Variants in CUL5 observed in about 807,000 individuals in gnomAD.
CUL5 encodes the protein cullin 5, also known as cullin-5.
CUL5 carries 26 observed loss-of-function variants against 108.8 expected under a neutral mutation model. The observed-to-expected ratio is 0.24, with a 90% CI of 0.18 to 0.33. The LOEUF (loss-of-function observed/expected upper bound fraction) is 0.33. Among genes scored for constraint, CUL5 ranks in the 10% least tolerant of loss-of-function variants. The pLI, the probability that CUL5 is intolerant of heterozygous loss-of-function variation, is 1.00. For synonymous variants in CUL5, 334 were observed against 298.0 expected (o/e 1.12, Z -1.25); for missense variants, 524 against 909.2 (o/e 0.58, Z 5.45).
chr11:108,088,780 T>C, intron 12 of CUL5, 121 bp downstream of exon 12: 1 of 764,370 alleles, frequency 1.3e-6, no homozygotes, highest in South Asian at 3.1e-5. Context: ...GAACTAATGT[T>C]ACGAAGATTT....
In CUL5 at chr11:108,107,512, C is replaced by T. The variant is rs1203812806; in HGVS notation, c.*3128C>T. On this transcript the variant is annotated 3_prime_UTR_variant, in exon 19 of 19. Transcript: ENST00000393094. Reference sequence around the variant, plus strand: ...CATTACATGAGAGCTTTCCTGTCATCTACACTATATGTTGTCTGGAGTGTT... The same window carrying T: ...CATTACATGAGAGCTTTCCTGTCATTTACACTATATGTTGTCTGGAGTGTT... 1 of 152,604 alleles carries T rather than the reference C, an allele frequency of 6.6e-6. No homozygotes were observed. The highest frequency in any genetic ancestry group is 2.4e-5 in the African/African-American group (1 of 41,434). The allele number at this position is 152,604 out of a possible 1,614,324, so 9.5% of individuals were successfully genotyped here.
intron 4 of CUL5, among the ~76,000 whole-genome samples, chr11:108,050,689 AT>A (rs1247421918): frequency 2.6e-5 from 4 of 152,140 alleles, no homozygotes; most frequent in African/African-American, 9.7e-5. Context: ...TAGAAATTAA[AT>A]TACTTTTCTC....
At chr11:108,022,350 T>G (rs112868190) in intron 1 of CUL5, among the ~76,000 whole-genome samples, 8 of 152,308 alleles carry the variant, frequency 5.3e-5, no homozygotes, top group African/African-American at 1.9e-4. Context: ...TCTATTTTTG[T>G]TTACATTCTT....
intron 1 of CUL5, among the ~76,000 whole-genome samples, chr11:108,021,285 T>G (rs1862321175): frequency 6.6e-6 from 1 of 152,172 alleles, no homozygotes; most frequent in South Asian, 2.1e-4. Flanking sequence ...CTAAACTGGT[T>G]GTGTGGTGTT....
intron 11 of CUL5, among the ~76,000 whole-genome samples, chr11:108,082,541 T>A (rs941458163): frequency 2.6e-5 from 4 of 152,118 alleles, no homozygotes; most frequent in Admixed American, 6.5e-5. Flanking sequence ...CCCCTCAAAG[T>A]GCTAGGATTA....
chr11:108,015,091 G>T (rs1862148475), intron 1 of CUL5, among the ~76,000 whole-genome samples: 2 of 151,984 alleles, frequency 1.3e-5, no homozygotes, highest in Non-Finnish European at 1.5e-5. Context: ...TAGAGATGGG[G>T]TTTCACCATG....
At chr11:108,066,784 A>G (rs373613847) in intron 7 of CUL5, among the ~76,000 whole-genome samples, 1 of 152,214 alleles carries the variant, frequency 6.6e-6, no homozygotes, top group Non-Finnish European at 1.5e-5. Flanking sequence ...CCTTAAGTTT[A>G]TAGTATAGTA....
intron 7 of CUL5, among the ~76,000 whole-genome samples, chr11:108,060,577 T>C (rs1418873410): frequency 3.3e-5 from 5 of 152,188 alleles, no homozygotes; most frequent in African/African-American, 1.2e-4. Flanking sequence ...GGCCCACGCC[T>C]CTAATCCCAG....
At chr11:108,034,148 A>G (rs1862666028) in intron 2 of CUL5, among the ~76,000 whole-genome samples, 1 of 152,220 alleles carries the variant, frequency 6.6e-6, no homozygotes, top group Non-Finnish European at 1.5e-5. Flanking sequence ...GATCCAAAGC[A>G]AAATCAGCAA....
At chr11:108,088,261 G>A (rs2135223319) in intron 11 of CUL5, among the ~76,000 whole-genome samples, 1 of 152,224 alleles carries the variant, frequency 6.6e-6, no homozygotes, top group East Asian at 1.9e-4. Context: ...GTCAGCACTA[G>A]GGTGAGGCAA....
At position 108,105,818 on chromosome 11, in the gene CUL5, G is replaced by A. The variant is rs1864785615; in HGVS notation, c.*1434G>A. ...TGTTAAGTAATATTTTTAAAGTATG[G>A]TTTTTGAAGATAGTAGGAAATGGAG... On this transcript the variant is annotated 3_prime_UTR_variant, in exon 19 of 19. Transcript: ENST00000393094. 6.6e-6 allele frequency: 1 copy of A among 152,096 alleles called. No individual in the cohort carries two copies. Among genetic ancestry groups the A allele is most frequent in the African/African-American group, 2.4e-5 (1 of 41,430 alleles). The allele number at this position is 152,096 out of a possible 1,614,324, so 9.4% of individuals were successfully genotyped here.
intron 1 of CUL5, among the ~76,000 whole-genome samples, chr11:108,021,174 C>T (rs1007612604): frequency 6.6e-5 from 10 of 152,124 alleles, no homozygotes; most frequent in Non-Finnish European, 1.3e-4. Context: ...TTTCACACAA[C>T]GATGAAATTG....
intron 18 of CUL5, among the ~76,000 whole-genome samples, chr11:108,099,080 C>T (rs572834226): frequency 6.7e-6 from 1 of 149,292 alleles, no homozygotes; most frequent in Non-Finnish European, 1.5e-5. Flanking sequence ...TCTTAACTCA[C>T]TGCAGCCTCA....
At chr11:108,090,665 A>G (rs1864329570) in intron 13 of CUL5, among the ~76,000 whole-genome samples, 1 of 152,180 alleles carries the variant, frequency 6.6e-6, no homozygotes, top group Non-Finnish European at 1.5e-5. Flanking sequence ...GCTGATTATA[A>G]CTAAATTCCC....
intron 1 of CUL5, among the ~76,000 whole-genome samples, chr11:108,032,231 G>T (rs1439713612): frequency 6.6e-6 from 1 of 152,150 alleles, no homozygotes; most frequent in Non-Finnish European, 1.5e-5. Context: ...GATGGTCCTA[G>T]TTCAGTGGCT....
At chr11:108,034,541 G>C (rs7114631) in intron 2 of CUL5, among the ~76,000 whole-genome samples, 3,146 of 152,282 alleles carry the variant, frequency 0.021, 114 homozygotes, top group African/African-American at 0.071. Flanking sequence ...GGTGCTGGTA[G>C]TTGGTGCTGT....
At chr11:108,016,493 A>G (rs564046492) in intron 1 of CUL5, among the ~76,000 whole-genome samples, 1 of 152,030 alleles carries the variant, frequency 6.6e-6, no homozygotes, top group African/African-American at 2.4e-5. Context: ...GGCTCAAGCA[A>G]TCTGCCCTGT....
chr11:108,038,207 G>A (rs1390823946), intron 2 of CUL5, among the ~76,000 whole-genome samples: 1 of 150,024 alleles, frequency 6.7e-6, no homozygotes, highest in African/African-American at 2.4e-5. Context: ...TGGGTGTGGT[G>A]GGGTGTTTTG....
In CUL5 at chr11:108,052,549, A is replaced by G; in HGVS notation, c.412-111A>G. ...ATTGTTGGGACTACAGGCGTGAGCCACTGCACCTGGCCCAGGCCTACAAAT... is the reference window on the plus strand; with the variant it reads ...ATTGTTGGGACTACAGGCGTGAGCCGCTGCACCTGGCCCAGGCCTACAAAT... On this transcript the variant is annotated intron_variant, in intron 4 of 18. Transcript: ENST00000393094. 5 of 972,356 alleles carry G rather than the reference A, an allele frequency of 5.1e-6. No homozygotes were observed. The South Asian group carries it at 7.2e-5, about 14-fold the overall frequency. The allele number at this position is 972,356 out of a possible 1,614,324, so 60.2% of individuals were successfully genotyped here. A position where few individuals can be genotyped will look rare whatever the true frequency, so the allele number is the denominator to read the frequency against.
Sources: allele counts gnomAD v4.1 joint callset (sites outside exome capture counted in the v4.1 genomes callset), GRCh38; gene constraint gnomAD v4.1.1; transcripts MANE v1.5; gene names NCBI Gene and HGNC (gene_info 2026-07-23, HGNC 2026-07-21).